Variants in CHRM3 observed in about 807,000 individuals in gnomAD.
CHRM3 encodes cholinergic receptor muscarinic 3.
Under a neutral mutation model 41.8 loss-of-function variants are expected in CHRM3, and 11 were observed. The ratio of observed to expected loss-of-function variants is 0.26; its 90% CI spans 0.17 to 0.44. The LOEUF (loss-of-function observed/expected upper bound fraction) is 0.44. Among genes scored for constraint, CHRM3 ranks in the 20% least tolerant of loss-of-function variants. The pLI is 1.00. For synonymous variants in CHRM3, 297 were observed against 301.4 expected (o/e 0.99, Z 0.15); for missense variants, 571 against 745.4 (o/e 0.77, Z 2.72).
chr1:239,915,206 C>A lies in CHRM3; in HGVS notation c.*5982C>A, dbSNP rs528411271. ...TGCTTTGTAAGCAAAGGGCATGTAT[C>A]ATACTCGCATCTAAAACAGTGTCCA... On this transcript the variant is annotated 3_prime_UTR_variant, in exon 7 of 7. Transcript: ENST00000676153. The A allele has an allele frequency of 7.2e-5, 12 of 167,228 alleles. No individual in the cohort carries two copies. The highest frequency in any genetic ancestry group is 2.9e-4 in the African/African-American group (12 of 41,576). 10.4% of individuals were successfully genotyped at this position (167,228 alleles called of 1,614,324 possible). A position where few individuals can be genotyped will look rare whatever the true frequency, so the allele number is the denominator to read the frequency against.
chr1:239,488,307 T>C (rs1177588505), intron 1 of CHRM3, among the ~76,000 whole-genome samples: 1 of 152,170 alleles, frequency 6.6e-6, no homozygotes, highest in Non-Finnish European at 1.5e-5. Context: ...TTCCTACTTA[T>C]GTATTAGCAG....
intron 5 of CHRM3, among the ~76,000 whole-genome samples, chr1:239,681,432 G>A (rs1211357075): frequency 6.6e-6 from 1 of 152,204 alleles, no homozygotes; most frequent in Non-Finnish European, 1.5e-5. Flanking sequence ...CATCCCTGGT[G>A]CATGGCACAA....
At chr1:239,896,642 C>T (rs1331912645) in intron 6 of CHRM3, among the ~76,000 whole-genome samples, 1 of 152,182 alleles carries the variant, frequency 6.6e-6, no homozygotes, top group Non-Finnish European at 1.5e-5. Flanking sequence ...TCTGTATGAT[C>T]TCCCTTTAGA....
chr1:239,542,410 G>A (rs1249402669), intron 2 of CHRM3, among the ~76,000 whole-genome samples: 11 of 152,148 alleles, frequency 7.2e-5, no homozygotes, highest in Admixed American at 7.2e-4. Flanking sequence ...GGAGAGAACT[G>A]AATATCTGGC....
chr1:239,895,439 G>C (rs1298078855), intron 6 of CHRM3, among the ~76,000 whole-genome samples: 1 of 152,030 alleles, frequency 6.6e-6, no homozygotes, highest in Non-Finnish European at 1.5e-5. Flanking sequence ...TTGCTTTCTC[G>C]AGCCCTTCTG....
intron 1 of CHRM3, among the ~76,000 whole-genome samples, chr1:239,430,156 CG>C (rs1402540199): frequency 5.3e-5 from 8 of 151,604 alleles, no homozygotes; most frequent in African/African-American, 7.3e-5. Context: ...TTAGTAGAGA[CG>C]GGGTTTCACC....
intron 5 of CHRM3, among the ~76,000 whole-genome samples, chr1:239,794,842 G>A (rs606709): frequency 0.36 from 54,722 of 151,996 alleles, 9,908 homozygotes; most frequent in Admixed American, 0.38. Context: ...AGATGTTTCC[G>A]ATCCTATCAA....
chr1:239,537,389 G>A (rs915312507), intron 2 of CHRM3, among the ~76,000 whole-genome samples: 3 of 152,042 alleles, frequency 2.0e-5, no homozygotes, highest in Non-Finnish European at 4.4e-5. Context: ...GCAGGAGCAG[G>A]CACTTTACGT....
intron 4 of CHRM3, among the ~76,000 whole-genome samples, chr1:239,643,077 G>A: frequency 6.6e-6 from 1 of 152,206 alleles, no homozygotes; most frequent in East Asian, 1.9e-4. Context: ...CTGCAGAACA[G>A]TGGATGTTCG....
chr1:239,436,848 C>T (rs1007253784), intron 1 of CHRM3, among the ~76,000 whole-genome samples: 2 of 151,960 alleles, frequency 1.3e-5, no homozygotes, highest in African/African-American at 2.4e-5. Flanking sequence ...CCTGATTTAA[C>T]GGATGCTGTT....
At chr1:239,428,674 T>C (rs1662588698) in intron 1 of CHRM3, among the ~76,000 whole-genome samples, 1 of 152,218 alleles carries the variant, frequency 6.6e-6, no homozygotes, top group South Asian at 2.1e-4. Context: ...TAAAATATTT[T>C]CCCTGTTTTA....
chr1:239,832,568 T>C (rs1206506510), intron 6 of CHRM3, among the ~76,000 whole-genome samples: 1 of 151,992 alleles, frequency 6.6e-6, no homozygotes, highest in African/African-American at 2.4e-5. Flanking sequence ...CAAGGAAGAA[T>C]TCAGGGCAAG....
chr1:239,851,880 C>G (rs944024199), intron 6 of CHRM3, among the ~76,000 whole-genome samples: 3 of 152,030 alleles, frequency 2.0e-5, no homozygotes, highest in African/African-American at 2.4e-5. Flanking sequence ...TCTCGTAGAA[C>G]TGGGCTTCTC....
intron 6 of CHRM3, among the ~76,000 whole-genome samples, chr1:239,883,359 A>T: frequency 6.6e-6 from 1 of 152,146 alleles, no homozygotes; most frequent in East Asian, 1.9e-4. Flanking sequence ...CCCCTCATTC[A>T]TTTCATTTGC....
chr1:239,858,920 G>C (rs1389872590), intron 6 of CHRM3, among the ~76,000 whole-genome samples: 1 of 152,158 alleles, frequency 6.6e-6, no homozygotes, highest in Non-Finnish European at 1.5e-5. Context: ...CATCCACCTT[G>C]TACCACGTGT....
At chr1:239,602,765 A>T (rs1182596448) in intron 3 of CHRM3, among the ~76,000 whole-genome samples, 2 of 152,152 alleles carry the variant, frequency 1.3e-5, no homozygotes, top group Non-Finnish European at 2.9e-5. Flanking sequence ...TAATATAGAG[A>T]ATTCTTTAAA....
chr1:239,402,899 A>G (rs1660097135), intron 1 of CHRM3, among the ~76,000 whole-genome samples: 1 of 152,220 alleles, frequency 6.6e-6, no homozygotes, highest in South Asian at 2.1e-4. Flanking sequence ...TGGATTCAAC[A>G]TAGTACTGAG....
intron 1 of CHRM3, among the ~76,000 whole-genome samples, chr1:239,407,597 T>C (rs12026018): frequency 0.14 from 21,259 of 152,068 alleles, 1,565 homozygotes; most frequent in Middle Eastern, 0.19. Flanking sequence ...CCAGGGCTTT[T>C]TCTTTTGCAT....
intron 6 of CHRM3, among the ~76,000 whole-genome samples, chr1:239,901,575 G>T (rs1679572410): frequency 6.6e-6 from 1 of 151,918 alleles, no homozygotes; most frequent in South Asian, 2.1e-4. Flanking sequence ...GTATACTATT[G>T]CTGTGTTTTA....
Sources: allele counts gnomAD v4.1 joint callset (sites outside exome capture counted in the v4.1 genomes callset), GRCh38; gene constraint gnomAD v4.1.1; transcripts MANE v1.5; gene names NCBI Gene and HGNC (gene_info 2026-07-23, HGNC 2026-07-21).